Variants in LRRC4C observed in about 807,000 individuals in gnomAD.
The protein encoded by LRRC4C is leucine rich repeat containing 4C.
A neutral mutation model predicts 33.6 loss-of-function variants in LRRC4C; 5 were observed. The ratio of observed to expected loss-of-function variants is 0.15; its 90% confidence interval spans 0.08 to 0.31. The LOEUF (loss-of-function observed/expected upper bound fraction) is 0.31, where lower values mean the gene tolerates loss of function less well. LRRC4C is among the 10% of genes least tolerant of loss of function. The pLI is 1.00. For missense variants in LRRC4C, 560 were observed against 796.7 expected (o/e 0.70, Z 3.58); for synonymous variants, 329 against 302.0 (o/e 1.09, Z -0.93).
chr11:40,225,745 T>A (rs1483887913), intron 5 of LRRC4C, among the ~76,000 whole-genome samples: 2 of 151,934 alleles, frequency 1.3e-5, no homozygotes. Context: ...GCCTCCCAAG[T>A]AGCTGGGATT....
At chr11:40,580,841 C>A (rs1214438026) in intron 3 of LRRC4C, among the ~76,000 whole-genome samples, 1 of 152,160 alleles carries the variant, frequency 6.6e-6, no homozygotes, top group African/African-American at 2.4e-5. Context: ...TATTTAAACC[C>A]TTGCCTATCT....
At chr11:40,759,197 T>C (rs527848399) in intron 2 of LRRC4C, among the ~76,000 whole-genome samples, 21 of 147,062 alleles carry the variant, frequency 1.4e-4, no homozygotes, top group African/African-American at 5.2e-4. Flanking sequence ...TATATATAAT[T>C]ATATATAATA....
intron 2 of LRRC4C, among the ~76,000 whole-genome samples, chr11:40,721,754 T>C (rs1947027296): frequency 6.8e-6 from 1 of 147,124 alleles, no homozygotes; most frequent in Non-Finnish European, 1.5e-5. Flanking sequence ...ATGGAGACCA[T>C]CCTGGCTAAC....
chr11:41,443,435 G>A (rs980494626), intron 1 of LRRC4C, among the ~76,000 whole-genome samples: 10 of 152,052 alleles, frequency 6.6e-5, no homozygotes, highest in African/African-American at 2.2e-4. Flanking sequence ...CTTGAGCCTG[G>A]GAAGTTGTGG....
intron 1 of LRRC4C, among the ~76,000 whole-genome samples, chr11:40,942,583 T>G (rs1958206478): frequency 6.6e-6 from 1 of 152,116 alleles, no homozygotes; most frequent in South Asian, 2.1e-4. Flanking sequence ...GTAAGTGTGT[T>G]GGTGTGCAGC....
intron 5 of LRRC4C, among the ~76,000 whole-genome samples, chr11:40,234,643 C>T (rs564391018): frequency 5.3e-5 from 8 of 152,228 alleles, no homozygotes; most frequent in South Asian, 4.2e-4. Flanking sequence ...TGTTGGCACA[C>T]GCATGTGGTC....
At chr11:40,636,569 T>C (rs1184918758) in intron 3 of LRRC4C, among the ~76,000 whole-genome samples, 3 of 152,176 alleles carry the variant, frequency 2.0e-5, no homozygotes, top group African/African-American at 7.2e-5. Flanking sequence ...TAACTGTCAA[T>C]GTTCTCATAA....
chr11:41,308,090 C>T (rs1360746658), intron 1 of LRRC4C, among the ~76,000 whole-genome samples: 1 of 152,130 alleles, frequency 6.6e-6, no homozygotes, highest in Non-Finnish European at 1.5e-5. Context: ...AACATAGAAC[C>T]TTGAATAAAT....
chr11:41,312,584 C>T lies in LRRC4C; in HGVS notation c.-496+146847G>A, dbSNP rs534617807. Among the ~76,000 whole-genome samples the T allele has an allele frequency of 7.2e-5, 11 of 152,256 alleles. 1 individual carries two copies. The South Asian group carries it at 1.9e-3, about 26-fold the overall frequency. On this transcript the variant is annotated intron_variant, in intron 1 of 6. Transcript: ENST00000528697. The stretch of plus-strand genomic sequence containing the variant: ...TGCACAGCATATAGTGACCTTAGCT[C>T]AATAAATGTCAGCTATGATTATTAT...
In LRRC4C at chr11:40,837,043, A is replaced by G. The variant is rs371402531; in HGVS notation, c.-407+96592T>C. Reference sequence around the variant, plus strand: ...TAAACTCTTAAAGAACGGTGTTAAAATCGGTTTGTTTGTATTGGACATTTT... The same window carrying G: ...TAAACTCTTAAAGAACGGTGTTAAAGTCGGTTTGTTTGTATTGGACATTTT... On this transcript the variant is annotated intron_variant, in intron 2 of 6. Coordinates refer to ENST00000528697, the MANE Select transcript of LRRC4C (RefSeq NM_001258419.2). Among the ~76,000 whole-genome samples the G allele has an allele frequency of 1.9e-4, 29 of 152,190 alleles. No homozygotes were observed. The South Asian group carries it at 5.2e-3, about 27-fold the overall frequency.
intron 2 of LRRC4C, among the ~76,000 whole-genome samples, chr11:40,662,300 A>G (rs1310446385): frequency 6.6e-6 from 1 of 152,134 alleles, no homozygotes; most frequent in Non-Finnish European, 1.5e-5. Context: ...AGCTTTGTAT[A>G]AGAGACCCCA....
intron 6 of LRRC4C, among the ~76,000 whole-genome samples, chr11:40,139,991 C>T (rs79948588): frequency 6.6e-6 from 1 of 152,156 alleles, no homozygotes; most frequent in South Asian, 2.1e-4. Context: ...TGTTCTTTCA[C>T]TAGACAAACA....
intron 3 of LRRC4C, among the ~76,000 whole-genome samples, chr11:40,477,083 C>T (rs894319421): frequency 5.9e-5 from 9 of 152,122 alleles, no homozygotes; most frequent in Non-Finnish European, 1.0e-4. Context: ...TAAAAATAGC[C>T]CATTCTGCTC....
intron 2 of LRRC4C, among the ~76,000 whole-genome samples, chr11:40,898,547 A>G (rs954400323): frequency 6.6e-6 from 1 of 151,806 alleles, no homozygotes; most frequent in Non-Finnish European, 1.5e-5. Context: ...CTTCACAAAC[A>G]TACACACTCA....
intron 5 of LRRC4C, among the ~76,000 whole-genome samples, chr11:40,237,347 A>C (rs1346237986): frequency 6.6e-6 from 1 of 152,224 alleles, no homozygotes; most frequent in Non-Finnish European, 1.5e-5. Context: ...CTTTCACTGC[A>C]GTTATCAGCC....
intron 2 of LRRC4C, among the ~76,000 whole-genome samples, chr11:40,722,811 T>A (rs1947094405): frequency 6.6e-6 from 1 of 152,090 alleles, no homozygotes; most frequent in Non-Finnish European, 1.5e-5. Context: ...GGCAAGGAAG[T>A]GTAACAAGAT....
At chr11:40,431,814 T>C (rs1357177984) in intron 3 of LRRC4C, among the ~76,000 whole-genome samples, 1 of 152,230 alleles carries the variant, frequency 6.6e-6, no homozygotes, top group East Asian at 1.9e-4. Context: ...CAAAATTGAA[T>C]ATGTGTAGAG....
At chr11:40,642,575 C>A (rs2136097601) in intron 3 of LRRC4C, among the ~76,000 whole-genome samples, 1 of 152,212 alleles carries the variant, frequency 6.6e-6, no homozygotes, top group South Asian at 2.1e-4. Flanking sequence ...CTATGTTGAT[C>A]TATTTTATCA....
At chr11:40,346,650 G>T (rs768592071) in intron 3 of LRRC4C, among the ~76,000 whole-genome samples, 2 of 152,092 alleles carry the variant, frequency 1.3e-5, no homozygotes, top group Non-Finnish European at 2.9e-5. Context: ...AAATCCCCAC[G>T]ATACAAGTTT....
Sources: gnomAD v4.1 joint callset for allele counts (sites outside exome capture counted in the v4.1 genomes callset) on GRCh38, gnomAD v4.1.1 for gene constraint, MANE v1.5 for transcripts, NCBI Gene and HGNC (gene_info 2026-07-23, HGNC 2026-07-21) for gene names.